The following SLC4A4 variants were observed in gnomAD, a reference collection of about 807,000 sequenced individuals.
SLC4A4 encodes the protein solute carrier family 4 member 4.
A neutral mutation model predicts 111.5 loss-of-function variants in SLC4A4; 27 were observed. That is an observed-to-expected ratio of 0.24 (90% confidence interval 0.18 to 0.33). The LOEUF (loss-of-function observed/expected upper bound fraction) is 0.33, where lower values mean the gene tolerates loss of function less well. Among genes scored for constraint, SLC4A4 ranks in the 10% least tolerant of loss-of-function variants. SLC4A4 has a pLI of 1.00. For missense variants in SLC4A4, 909 were observed against 1,315.5 expected, an observed-to-expected ratio of 0.69 and a Z score of 4.78; for synonymous variants, 443 against 463.4, an observed-to-expected ratio of 0.96 and a Z score of 0.57.
intron 2 of SLC4A4, among the ~76,000 whole-genome samples, chr4:71,245,654 C>CAGAG (rs1373926421): frequency 6.6e-6 from 1 of 151,948 alleles, no homozygotes; most frequent in Non-Finnish European, 1.5e-5. Flanking sequence ...CGCAGTAGAA[C>CAGAG]TCTGAAGCCG....
chr4:71,353,061 A>G (rs1729983275), intron 5 of SLC4A4, among the ~76,000 whole-genome samples: 1 of 152,212 alleles, frequency 6.6e-6, no homozygotes, highest in Non-Finnish European at 1.5e-5. Context: ...AGAGAGTACC[A>G]GATTATACTG....
intron 23 of SLC4A4, 22 bp from the exon 24 acceptor site, chr4:71,563,771 C>T (rs777762687): frequency 7.6e-6 from 11 of 1,455,094 alleles, no homozygotes; most frequent in Non-Finnish European, 1.1e-5. Flanking sequence ...ATTCTAAAAC[C>T]TCTTGTACAT....
chr4:71,256,239 A>G (rs1222130645), intron 3 of SLC4A4, among the ~76,000 whole-genome samples: 11 of 152,218 alleles, frequency 7.2e-5, no homozygotes, highest in Admixed American at 6.5e-4. Context: ...TGTCTTTGCT[A>G]CAGTTGCAGA....
At chr4:71,271,633 C>T (rs894193788) in intron 3 of SLC4A4, among the ~76,000 whole-genome samples, 12 of 152,140 alleles carry the variant, frequency 7.9e-5, no homozygotes, top group African/African-American at 2.9e-4. Context: ...AAAGGAAAAA[C>T]ATGCTACAGA....
chr4:71,290,325 A>C (rs1056692809), intron 3 of SLC4A4, among the ~76,000 whole-genome samples: 1 of 152,190 alleles, frequency 6.6e-6, no homozygotes, highest in Non-Finnish European at 1.5e-5. Context: ...GCTGCCAGCC[A>C]AGGGGGTGGA....
intron 8 of SLC4A4, among the ~76,000 whole-genome samples, chr4:71,443,742 A>T (rs1022946175): frequency 1.3e-5 from 2 of 152,198 alleles, no homozygotes; most frequent in Admixed American, 1.3e-4. Context: ...AGACTGTTAA[A>T]AATTTAGAAT....
intron 1 of SLC4A4, among the ~76,000 whole-genome samples, chr4:71,217,747 G>C (rs1718521346): frequency 6.6e-6 from 1 of 152,144 alleles, no homozygotes; most frequent in Non-Finnish European, 1.5e-5. Context: ...TTTGGTATAA[G>C]AGTGGCATCA....
chr4:71,236,401 G>A (rs950346029), intron 1 of SLC4A4, 175 bp from the exon 2 acceptor site: 70 of 765,420 alleles, frequency 9.1e-5, no homozygotes, highest in Non-Finnish European at 1.3e-4. Flanking sequence ...GCATATTCTC[G>A]AGCACCAGAT....
intron 1 of SLC4A4, among the ~76,000 whole-genome samples, chr4:71,226,666 T>A (rs778230608): frequency 6.6e-6 from 1 of 152,192 alleles, no homozygotes; most frequent in African/African-American, 2.4e-5. Flanking sequence ...TCACTATTTC[T>A]TCAGTTGAAT....
intron 12 of SLC4A4, among the ~76,000 whole-genome samples, chr4:71,457,479 C>G (rs1726384307): frequency 6.6e-6 from 1 of 152,106 alleles, no homozygotes; most frequent in African/African-American, 2.4e-5. Flanking sequence ...ACCACTCAGC[C>G]AAGAGTTGAC....
At chr4:71,158,128 T>A (rs1744525842) in intron 2 of SLC4A4, among the ~76,000 whole-genome samples, 1 of 151,596 alleles carries the variant, frequency 6.6e-6, no homozygotes, top group Non-Finnish European at 1.5e-5. Flanking sequence ...TGTGTGTGTG[T>A]GTGTGTGTGT....
At chr4:71,555,307 C>T (rs1230462859) in intron 21 of SLC4A4, 99 bp downstream of exon 21, 1 of 833,372 alleles carries the variant, frequency 1.2e-6, no homozygotes, top group East Asian at 2.4e-5. Flanking sequence ...TCATTATTAA[C>T]TGCTGAGTTT....
At chr4:71,345,153 C>G (rs764494734) in intron 4 of SLC4A4, among the ~76,000 whole-genome samples, 3 of 152,032 alleles carry the variant, frequency 2.0e-5, no homozygotes, top group Admixed American at 2.0e-4. Flanking sequence ...ACTTATCAGA[C>G]CTGAAAAATC....
At chr4:71,562,532 G>A (rs1345006421) in intron 23 of SLC4A4, among the ~76,000 whole-genome samples, 2 of 151,042 alleles carry the variant, frequency 1.3e-5, no homozygotes, top group African/African-American at 4.9e-5. Context: ...TTTGATCTTT[G>A]TTGGTTTAAA....
intron 2 of SLC4A4, among the ~76,000 whole-genome samples, chr4:71,157,757 G>C (rs1054249008): frequency 6.6e-6 from 1 of 152,108 alleles, no homozygotes; most frequent in African/African-American, 2.4e-5. Flanking sequence ...CACTACACAT[G>C]TAAGAATCTT....
At chr4:71,276,996 A>G (rs923901163) in intron 3 of SLC4A4, among the ~76,000 whole-genome samples, 1 of 152,176 alleles carries the variant, frequency 6.6e-6, no homozygotes, top group African/African-American at 2.4e-5. Context: ...GTGAGCCAAG[A>G]TTGTGCCACT....
chr4:71,249,451 A>G (rs1578674535), intron 2 of SLC4A4, among the ~76,000 whole-genome samples: 1 of 152,168 alleles, frequency 6.6e-6, no homozygotes, highest in Non-Finnish European at 1.5e-5. Context: ...TGGTAACTGC[A>G]AAATTATGCT....
At chr4:71,353,330 C>A (rs1028084603) in intron 5 of SLC4A4, among the ~76,000 whole-genome samples, 1 of 152,182 alleles carries the variant, frequency 6.6e-6, no homozygotes, top group Non-Finnish European at 1.5e-5. Context: ...AGTCAGAGAG[C>A]CAGTGCTGTC....
chr4:71,223,555 G>A (rs1327003752), intron 1 of SLC4A4, among the ~76,000 whole-genome samples: 1 of 152,094 alleles, frequency 6.6e-6, no homozygotes, highest in Admixed American at 6.5e-5. Flanking sequence ...GTATATAACT[G>A]AGTTCAAACA....
Sources: gnomAD v4.1 joint callset for allele counts (sites outside exome capture counted in the v4.1 genomes callset) on GRCh38, gnomAD v4.1.1 for gene constraint, MANE v1.5 for transcripts, NCBI Gene and HGNC (gene_info 2026-07-23, HGNC 2026-07-21) for gene names.